Variants in SHISAL1 observed in about 807,000 individuals in gnomAD.
SHISAL1 encodes protein shisa-like-1.
A neutral mutation model predicts 22.6 loss-of-function variants in SHISAL1; 9 were observed. The ratio of observed to expected loss-of-function variants is 0.40; its 90% CI spans 0.24 to 0.70. The LOEUF (loss-of-function observed/expected upper bound fraction) is 0.70, where lower values mean the gene tolerates loss of function less well. Ranked by LOEUF, SHISAL1 falls within the 30% of genes least tolerant of loss-of-function variation. SHISAL1 has a pLI of 0.39. For missense variants in SHISAL1, 246 were observed against 270.6 expected, an observed-to-expected ratio of 0.91 and a Z score of 0.64; for synonymous variants, 119 against 115.4, an observed-to-expected ratio of 1.03 and a Z score of -0.20.
At chr22:44,284,737 T>C (rs1194674470) in intron 4 of SHISAL1, among the ~76,000 whole-genome samples, 2 of 152,134 alleles carry the variant, frequency 1.3e-5, no homozygotes, top group Admixed American at 6.5e-5. Flanking sequence ...CTCTAGATGC[T>C]GCACTACCCA....
intron 1 of SHISAL1, among the ~76,000 whole-genome samples, chr22:44,304,543 C>T (rs12627908): frequency 0.072 from 10,988 of 152,146 alleles, 514 homozygotes; most frequent in East Asian, 0.15. Context: ...CCCCCATCCA[C>T]CCGCAGGCCT....
Position 44,310,640 on chromosome 22 carries a change from C to T in SHISAL1, c.-33+2111G>A, listed in dbSNP as rs969909267. 2.6e-5 allele frequency among the ~76,000 whole-genome samples: 4 copies of T among 152,178 alleles called. No homozygotes were observed. The highest frequency in any genetic ancestry group is 2.0e-4 in the Admixed American group (3 of 15,280). Reference sequence around the variant, plus strand: ...AGCTGATCCATAAACCGTTCTTATCCGATGTTGCCTACTCTACTGTTCCCA... The same window carrying T: ...AGCTGATCCATAAACCGTTCTTATCTGATGTTGCCTACTCTACTGTTCCCA... On this transcript the variant is annotated intron_variant, in intron 1 of 4. Transcript: ENST00000381176. This position sits in a 1 kb window ranked among gnomAD's most constrained non-coding sequence, Gnocchi z 4.0.
At chr22:44,266,217 A>G (rs1235836191) in intron 4 of SHISAL1, among the ~76,000 whole-genome samples, 3 of 152,224 alleles carry the variant, frequency 2.0e-5, no homozygotes, top group African/African-American at 7.2e-5. Flanking sequence ...CGCTTGGCAC[A>G]CAGAAAGCAC....
At chr22:44,288,885 G>A (rs1249618802) in intron 3 of SHISAL1, among the ~76,000 whole-genome samples, 1 of 152,198 alleles carries the variant, frequency 6.6e-6, no homozygotes, top group Non-Finnish European at 1.5e-5. Context: ...TGTCTTTGTT[G>A]TTTTGTAGGA....
chr22:44,263,568 G>GGA (rs2055141444), intron 4 of SHISAL1, among the ~76,000 whole-genome samples: 1 of 152,198 alleles, frequency 6.6e-6, no homozygotes, highest in Non-Finnish European at 1.5e-5. Flanking sequence ...GAGGGTTTTG[G>GGA]GAGAGAGAGA....
At chr22:44,278,931 A>T (rs998003600) in intron 4 of SHISAL1, among the ~76,000 whole-genome samples, 5 of 152,068 alleles carry the variant, frequency 3.3e-5, no homozygotes, top group Non-Finnish European at 7.4e-5. Flanking sequence ...CTGCAGTCCC[A>T]CTGTGTACCC....
At chr22:44,250,260 CACAGAT>C (rs1267528060) in intron 4 of SHISAL1, among the ~76,000 whole-genome samples, 2 of 152,156 alleles carry the variant, frequency 1.3e-5, no homozygotes, top group Non-Finnish European at 2.9e-5. Context: ...AAATATTAAA[CACAGAT>C]ACAGATACCA....
At chr22:44,291,922 C>G (rs1331413072) in intron 3 of SHISAL1, among the ~76,000 whole-genome samples, 3 of 152,138 alleles carry the variant, frequency 2.0e-5, no homozygotes, top group African/African-American at 7.2e-5. Context: ...GGGCAGTACA[C>G]TTCTCACCAC....
At chr22:44,267,825 G>A (rs550664970) in intron 4 of SHISAL1, among the ~76,000 whole-genome samples, 5 of 152,156 alleles carry the variant, frequency 3.3e-5, no homozygotes, top group Non-Finnish European at 1.5e-5. Flanking sequence ...TTCCAACTCC[G>A]ACAGACTCAT....
At chr22:44,284,897 G>GCCTGCCTTCCTTCCTTCCTTCCTT (rs570595554) in intron 4 of SHISAL1, among the ~76,000 whole-genome samples, 16 of 134,596 alleles carry the variant, frequency 1.2e-4, no homozygotes, top group South Asian at 2.7e-4. Flanking sequence ...CTGCCTTCCT[G>GCCTGCCTTCCTTCCTTCCTTCCTT]CCTTCCTTCC....
chr22:44,313,803 C>G (rs1037481258), upstream of SHISAL1, among the ~76,000 whole-genome samples: 12 of 152,364 alleles, frequency 7.9e-5, no homozygotes, highest in African/African-American at 2.6e-4. Context: ...TCCTCTGCCT[C>G]CCACCCATCC....
At chr22:44,318,658 A>G in the SHISAL1 span, among the ~76,000 whole-genome samples, 1 of 152,270 alleles carries the variant, frequency 6.6e-6, no homozygotes, top group Non-Finnish European at 1.5e-5. Flanking sequence ...TGAAACTCAG[A>G]GCCCACGCTA....
chr22:44,273,213 G>A (rs2055216897), intron 4 of SHISAL1, among the ~76,000 whole-genome samples: 2 of 152,196 alleles, frequency 1.3e-5, no homozygotes, highest in Non-Finnish European at 2.9e-5. Context: ...TATGCACAGG[G>A]GCAAGCTGGT....
At chr22:44,320,272 C>A in the SHISAL1 span, among the ~76,000 whole-genome samples, 1 of 152,194 alleles carries the variant, frequency 6.6e-6, no homozygotes, top group South Asian at 2.1e-4. Flanking sequence ...TTAGCCATGT[C>A]CATGTCTGAG....
At chr22:44,329,221 T>C in the SHISAL1 span, among the ~76,000 whole-genome samples, 17 of 151,968 alleles carry the variant, frequency 1.1e-4, no homozygotes, top group African/African-American at 3.9e-4. Flanking sequence ...GCTCGGGGAG[T>C]TGGCTGAAGA....
intron 4 of SHISAL1, among the ~76,000 whole-genome samples, chr22:44,261,144 A>G (rs896520282): frequency 1.9e-4 from 25 of 132,910 alleles, no homozygotes; most frequent in Non-Finnish European, 1.6e-4. Flanking sequence ...TTCAAAATCA[A>G]TGACTTTTAA....
At chr22:44,295,171 G>A (rs145434191) in intron 3 of SHISAL1, among the ~76,000 whole-genome samples, 1 of 152,080 alleles carries the variant, frequency 6.6e-6, no homozygotes, top group African/African-American at 2.4e-5. Context: ...ACACAGTGAG[G>A]CACTAGTGTA....
At chr22:44,269,965 G>C (rs1392783424) in intron 4 of SHISAL1, among the ~76,000 whole-genome samples, 1 of 152,186 alleles carries the variant, frequency 6.6e-6, no homozygotes, top group Non-Finnish European at 1.5e-5. Flanking sequence ...TGTCCTCAGT[G>C]TGCCCCTCCA....
intron 3 of SHISAL1, among the ~76,000 whole-genome samples, chr22:44,296,348 T>A (rs2055385734): frequency 6.6e-6 from 1 of 152,176 alleles, no homozygotes; most frequent in African/African-American, 2.4e-5. Context: ...TTAGTAGAGA[T>A]GGGGTTTCAC....
Sources: gnomAD v4.1 joint callset for allele counts (sites outside exome capture counted in the v4.1 genomes callset) on GRCh38, gnomAD v4.1.1 for gene constraint, Gnocchi (gnomAD v3.1) non-coding constraint, MANE v1.5 for transcripts, NCBI Gene and HGNC (gene_info 2026-07-23, HGNC 2026-07-21) for gene names.